Variants in MARK3 observed in about 807,000 individuals in gnomAD.
MARK3 encodes the protein MAP/microtubule affinity-regulating kinase 3.
In MARK3, 46 loss-of-function variants were observed where a neutral mutation model predicts 90.1. That is an observed-to-expected ratio of 0.51 (90% confidence interval 0.40 to 0.65). MARK3 has a LOEUF of 0.65. Among genes scored for constraint, MARK3 ranks in the 30% least tolerant of loss-of-function variants. The pLI is 0.00. For synonymous variants in MARK3, 321 were observed against 332.6 expected, an observed-to-expected ratio of 0.97 and a Z score of 0.38; for missense variants, 818 against 947.2, an observed-to-expected ratio of 0.86 and a Z score of 1.79.
chr14:103,407,257 A>G (rs1165102567), intron 2 of MARK3, among the ~76,000 whole-genome samples: 1 of 152,236 alleles, frequency 6.6e-6, no homozygotes, highest in Non-Finnish European at 1.5e-5. Flanking sequence ...CTGCTACCAC[A>G]GTAAAAATTG....
chr14:103,428,522 C>G (rs915334767), intron 3 of MARK3, 82 bp downstream of exon 3: 1 of 746,742 alleles, frequency 1.3e-6, no homozygotes, highest in African/African-American at 1.8e-5. Flanking sequence ...AATACCCCAA[C>G]TGTTATTTTA....
chr14:103,392,820 A>T (rs201036969), intron 1 of MARK3, among the ~76,000 whole-genome samples: 91 of 123,680 alleles, frequency 7.4e-4, no homozygotes, highest in South Asian at 2.0e-3. Flanking sequence ...TTTTTTTTTT[A>T]AATTTCCTGA....
chr14:103,490,451 A>G (rs959124981), intron 14 of MARK3: 1 of 152,230 alleles, frequency 6.6e-6, no homozygotes, highest in African/African-American at 2.4e-5. Context: ...TTGGAAGGCC[A>G]AGGCGGGAGG....
intron 7 of MARK3, among the ~76,000 whole-genome samples, chr14:103,463,001 G>A (rs2093430471): frequency 6.6e-6 from 1 of 152,102 alleles, no homozygotes; most frequent in African/African-American, 2.4e-5. Flanking sequence ...CAGGAAAGTG[G>A]GGTGCTTCTG....
chr14:103,457,839 A>G (rs1028156032), intron 6 of MARK3, among the ~76,000 whole-genome samples: 2 of 152,338 alleles, frequency 1.3e-5, no homozygotes, highest in African/African-American at 4.8e-5. Flanking sequence ...CATTTGCTAA[A>G]AAATAAGACA....
intron 15 of MARK3, among the ~76,000 whole-genome samples, chr14:103,494,317 C>T (rs368929925): frequency 2.0e-5 from 3 of 150,052 alleles, no homozygotes; most frequent in Non-Finnish European, 4.4e-5. Flanking sequence ...TTTGGGAGGC[C>T]GAGGCAGGTG....
chr14:103,484,270 C>T (rs746973583), intron 14 of MARK3, among the ~76,000 whole-genome samples: 6 of 151,988 alleles, frequency 3.9e-5, no homozygotes, highest in Non-Finnish European at 5.9e-5. Context: ...CTCCATCTCC[C>T]GGGTTCATGC....
At chr14:103,409,363 G>A (rs1382239237) in intron 2 of MARK3, among the ~76,000 whole-genome samples, 3 of 147,154 alleles carry the variant, frequency 2.0e-5, no homozygotes, top group Admixed American at 7.0e-5. Flanking sequence ...GTCGATGGGC[G>A]CAGCAAACCA....
chr14:103,428,541 G>T, intron 3 of MARK3, 101 bp downstream of exon 3: 1 of 665,684 alleles, frequency 1.5e-6, no homozygotes, highest in Non-Finnish European at 2.6e-6. Context: ...TATGTTTAAT[G>T]CCATAAAGCT....
intron 15 of MARK3, among the ~76,000 whole-genome samples, chr14:103,494,767 G>GCTGGGACTACAGGCGCCCACCATCGCGC: frequency 6.6e-6 from 1 of 152,016 alleles, no homozygotes; most frequent in South Asian, 2.1e-4. Flanking sequence ...CTCCCGAGTG[G>GCTGGGACTACAGGCGCCCACCATCGCGC]CTGGGACTAC....
Position 103,491,839 on chromosome 14 carries a change from C to T in MARK3, c.1649C>T (p.Pro550Leu), listed in dbSNP as rs758617938. 4.3e-6 allele frequency: 7 copies of T among 1,614,072 alleles called. No homozygotes were observed. The highest frequency in any genetic ancestry group is 1.3e-5 in the African/African-American group (1 of 74,918). The change falls in exon 15 of 18, where the codon CCA becomes CTA. Residue 550 changes from proline to leucine, a missense_variant. Physicochemically the swap from Pro to Leu is moderately conservative, Grantham distance 98 (BLOSUM62 -3). Coordinates refer to ENST00000429436, the MANE Select transcript of MARK3 (RefSeq NM_001128918.3). ...CACAGTATCAGTAGTGCAGCCACCC[C>T]AGATCGAATCCGCTTCCCAAGAGGC... is the stretch of plus-strand genomic sequence containing the variant. ...STHSISSAAT[P>L]DRIRFPRGTA...
chr14:103,401,501 A>G (rs183347897), intron 1 of MARK3, among the ~76,000 whole-genome samples: 98 of 152,248 alleles, frequency 6.4e-4, no homozygotes, highest in African/African-American at 2.3e-3. Flanking sequence ...CTCCGTGGAA[A>G]CTGATCTCCA....
intron 2 of MARK3, among the ~76,000 whole-genome samples, chr14:103,427,412 A>G (rs1489935664): frequency 1.3e-5 from 2 of 149,516 alleles, no homozygotes; most frequent in African/African-American, 2.4e-5. Flanking sequence ...GGGAGTAGAA[A>G]CTATGAAAAC....
At chr14:103,397,523 C>T (rs2090658956) in intron 1 of MARK3, among the ~76,000 whole-genome samples, 1 of 151,962 alleles carries the variant, frequency 6.6e-6, no homozygotes, top group Admixed American at 6.6e-5. Flanking sequence ...GATGGGGTTT[C>T]ACCATATTGG....
At chr14:103,490,977 G>C (rs1352032137) in intron 14 of MARK3, 16 of 1,282,084 alleles carry the variant, frequency 1.2e-5, no homozygotes, top group Non-Finnish European at 1.3e-5. Flanking sequence ...CGCTTACGCA[G>C]CTAGCCCTGC....
chr14:103,489,632 C>T (rs928426496), intron 14 of MARK3: 7 of 152,172 alleles, frequency 4.6e-5, no homozygotes, highest in African/African-American at 1.7e-4. Flanking sequence ...AATAAGATGT[C>T]GTTAGTCTGT....
intron 1 of MARK3, among the ~76,000 whole-genome samples, chr14:103,394,315 A>G (rs903947114): frequency 6.6e-6 from 1 of 152,186 alleles, no homozygotes; most frequent in Admixed American, 6.5e-5. Flanking sequence ...ACAAGAAGTT[A>G]AAGGTTGTGC....
chr14:103,410,861 T>C (rs1049790641), intron 2 of MARK3, among the ~76,000 whole-genome samples: 2 of 152,230 alleles, frequency 1.3e-5, no homozygotes, highest in African/African-American at 4.8e-5. Context: ...TTTAACTGTT[T>C]ATGATGTCTT....
intron 15 of MARK3, among the ~76,000 whole-genome samples, chr14:103,493,418 T>C (rs2075127537): frequency 6.6e-6 from 1 of 152,028 alleles, no homozygotes; most frequent in Non-Finnish European, 1.5e-5. Flanking sequence ...CTATTTACCC[T>C]CTTACTCACT....
Sources: allele counts gnomAD v4.1 joint callset (sites outside exome capture counted in the v4.1 genomes callset), GRCh38; gene constraint gnomAD v4.1.1; transcripts MANE v1.5; gene names NCBI Gene and HGNC (gene_info 2026-07-23, HGNC 2026-07-21).